PKHD1L1: variants seen among roughly 807,000 people sequenced by gnomAD.
The protein encoded by PKHD1L1 is fibrocystin-L.
In PKHD1L1, 434 loss-of-function variants were observed where a neutral mutation model predicts 462.9. The ratio of observed to expected loss-of-function variants is 0.94; its 90% CI spans 0.87 to 1.02. The LOEUF (loss-of-function observed/expected upper bound fraction) is 1.02, where lower values mean the gene tolerates loss of function less well. Among genes scored for constraint, PKHD1L1 ranks in the 50% least tolerant of loss-of-function variants. The pLI is 0.00. For missense variants in PKHD1L1, 5,202 were observed against 5,096.1 expected, an observed-to-expected ratio of 1.02 and a Z score of -0.63; for synonymous variants, 1,781 against 1,750.0, an observed-to-expected ratio of 1.02 and a Z score of -0.44.
chr8:109,364,646 C>CTTTTTTTT lies in PKHD1L1; in HGVS notation c.163+21_163+28dup, dbSNP rs60902563. On this transcript the variant is annotated intron_variant, in intron 2 of 77. Transcript: ENST00000378402. ...ACTATAAGAGGGGAAGGTATCGTTG[C>CTTTTTTTT]TTTTTTTTTTTTTTTTTTGCCAAGG... 2.5e-5 allele frequency: 26 copies of CTTTTTTTT among 1,030,400 alleles called. No homozygotes were observed. Among genetic ancestry groups the CTTTTTTTT allele is most frequent in the African/African-American group, 1.0e-4 (5 of 48,592 alleles). The allele number at this position is 1,030,400 out of a possible 1,614,324, so 63.8% of individuals were successfully genotyped here.
intron 32 of PKHD1L1, 90 bp from the exon 33 acceptor site, chr8:109,440,620 C>T: frequency 2.5e-6 from 3 of 1,180,912 alleles, no homozygotes; most frequent in Non-Finnish European, 3.5e-6. Context: ...CAGTTATTTC[C>T]TCTTTCTAAA....
chr8:109,401,594 G>A lies in PKHD1L1; in HGVS notation c.1373+6G>A. On this transcript the variant is annotated splice_donor_region_variant and intron_variant, in intron 14 of 77. Transcript: ENST00000378402. ...CATCTGCAGAAAGGAAAAGAGTAAG[G>A]CTTTTTCCTGTCATTAAATTACTGT... is the stretch of plus-strand genomic sequence containing the variant. The A allele has an allele frequency of 6.8e-7, 1 of 1,466,280 alleles. No individual in the cohort carries two copies. The allele number at this position is 1,466,280 out of a possible 1,614,324, so 90.8% of individuals were successfully genotyped here.
At chr8:109,392,572 A>C (rs149556237) in intron 9 of PKHD1L1, among the ~76,000 whole-genome samples, 1 of 152,042 alleles carries the variant, frequency 6.6e-6, no homozygotes, top group East Asian at 1.9e-4. Context: ...GTGTTTCTGT[A>C]TAAAGTATTC....
Position 109,493,743 on chromosome 8 carries a change from C to T in PKHD1L1, c.10319C>T (p.Pro3440Leu). Residue 3440 changes from proline to leucine, a missense_variant, in exon 63 of 78, where the codon CCT becomes CTT. Physicochemically the swap from Pro to Leu is moderately conservative, Grantham distance 98 (BLOSUM62 -3). Around this residue, in one of 3 missense-constraint regions of PKHD1L1, gnomAD observed 4,497 missense variants for 4,336.8 expected, o/e 1.04. Coordinates refer to ENST00000378402, the MANE Select transcript of PKHD1L1 (RefSeq NM_177531.6). The part of the protein sequence containing the change: ...GRAGYRIDGE[P>L]CPGQFNPVEK... ...GCAGGATACCGCATTGATGGTGAAC[C>T]TTGCCCAGGTAAGTCTTTTAAACCA... is the stretch of plus-strand genomic sequence containing the variant. The T allele has an allele frequency of 6.3e-7, 1 of 1,597,812 alleles. No individual in the cohort carries two copies. Among genetic ancestry groups the T allele is most frequent in the Non-Finnish European group, 8.5e-7 (1 of 1,172,134 alleles).
In PKHD1L1 at chr8:109,388,510, G is replaced by A. The variant is rs1314400885; in HGVS notation, c.583G>A (p.Gly195Arg). Residue 195 changes from glycine to arginine, a missense_variant, in exon 7 of 78, where the codon GGA becomes AGA. By Grantham distance (125) the Gly-to-Arg change is moderately radical (BLOSUM62 -2). Around this residue, in one of 3 missense-constraint regions of PKHD1L1, gnomAD observed 4,497 missense variants for 4,336.8 expected, o/e 1.04. Transcript: ENST00000378402. ...NVRILRVYIG[G>R]MPCELLIPQS... is the part of the protein sequence containing the mutation. The stretch of plus-strand genomic sequence containing the variant: ...ATATTTGTACAGAGTTTACATTGGA[G>A]GAATGCCCTGTGAGCTTCTCATACC... 4.6e-6 allele frequency: 7 copies of A among 1,515,940 alleles called. No individual in the cohort carries two copies. The highest frequency in any genetic ancestry group is 5.4e-6 in the Non-Finnish European group (6 of 1,116,418). 93.9% of individuals were successfully genotyped at this position (1,515,940 alleles called of 1,614,324 possible). A position where few individuals can be genotyped will look rare whatever the true frequency, so the allele number is the denominator to read the frequency against.
chr8:109,365,660 C>T (rs1329353764), intron 2 of PKHD1L1, among the ~76,000 whole-genome samples: 2 of 152,012 alleles, frequency 1.3e-5, no homozygotes, highest in Middle Eastern at 6.8e-3. Context: ...ATTTAAATGC[C>T]GCGAGAGAAA....
intron 6 of PKHD1L1, among the ~76,000 whole-genome samples, chr8:109,386,716 T>G (rs1812460312): frequency 6.6e-6 from 1 of 152,184 alleles, no homozygotes; most frequent in African/African-American, 2.4e-5. Flanking sequence ...TTTGTCTGCT[T>G]CAACATAGTT....
intron 57 of PKHD1L1, 70 bp from the exon 58 acceptor site, chr8:109,484,974 A>G: frequency 7.8e-7 from 1 of 1,275,472 alleles, no homozygotes; most frequent in Non-Finnish European, 1.1e-6. Context: ...GAATGATTTA[A>G]TAATGATATC....
At chr8:109,516,650 T>C (rs895815144) in intron 72 of PKHD1L1, among the ~76,000 whole-genome samples, 2 of 152,118 alleles carry the variant, frequency 1.3e-5, no homozygotes, top group Admixed American at 6.6e-5. Flanking sequence ...CACTTAACCA[T>C]TATGCTATAT....
At position 109,504,425 on chromosome 8, in the gene PKHD1L1, G is replaced by A. The variant is rs1223156386; in HGVS notation, c.10927G>A (p.Val3643Met). The A allele has an allele frequency of 1.9e-6, 3 of 1,565,470 alleles. No individual in the cohort carries two copies. In the African/African-American group the frequency reaches 4.1e-5, roughly 21 times the overall value. ...LNEDLQHPIHVKNIKLVDTTE... is the reference protein window; with the variant it reads ...LNEDLQHPIHMKNIKLVDTTE... The stretch of plus-strand genomic sequence containing the variant: ...TGAGGATTTACAGCATCCAATCCAT[G>A]TGAAGAATATAAAACTGGTTGATAC... Residue 3643 changes from valine (V) to methionine (M), a missense_variant, in exon 68 of 78, where the codon GTG becomes ATG. Transcript: ENST00000378402.
chr8:109,375,662 C>T (rs541620481), intron 2 of PKHD1L1, among the ~76,000 whole-genome samples: 4 of 152,174 alleles, frequency 2.6e-5, no homozygotes, highest in South Asian at 2.1e-4. Flanking sequence ...ATGATGGTGA[C>T]GTACAGATGG....
intron 32 of PKHD1L1, among the ~76,000 whole-genome samples, 174 bp downstream of exon 32, chr8:109,439,266 A>T (rs1240199622): frequency 6.6e-6 from 1 of 152,172 alleles, no homozygotes; most frequent in Non-Finnish European, 1.5e-5. Context: ...TATGACGCAT[A>T]GTTTTGAGAC....
intron 10 of PKHD1L1, among the ~76,000 whole-genome samples, chr8:109,395,224 C>T (rs1018679452): frequency 6.6e-6 from 1 of 152,220 alleles, no homozygotes; most frequent in South Asian, 2.1e-4. Context: ...GATTTATGCT[C>T]TCAGTGTGGT....
intron 28 of PKHD1L1, among the ~76,000 whole-genome samples, chr8:109,433,634 C>A (rs991137876): frequency 1.3e-5 from 2 of 152,114 alleles, no homozygotes; most frequent in Non-Finnish European, 2.9e-5. Flanking sequence ...TCCCATTGAA[C>A]CTCTCTCCAT....
In PKHD1L1 at chr8:109,452,711, AT is replaced by A; in HGVS notation, c.6508-5del. On this transcript the variant is annotated splice_polypyrimidine_tract_variant and splice_region_variant and intron_variant, in intron 42 of 77. Transcript: ENST00000378402. ...TAAATTTTAAGGTCTCTTATGTTCTATTACAGGATAATGCTGACTTTCTTTA... is the reference window on the plus strand; with the variant it reads ...TAAATTTTAAGGTCTCTTATGTTCTATACAGGATAATGCTGACTTTCTTTA... 6.7e-7 allele frequency: 1 copy of A among 1,499,946 alleles called. No homozygotes were observed. Among genetic ancestry groups the A allele is most frequent in the Non-Finnish European group, 8.9e-7 (1 of 1,129,416 alleles). 92.9% of individuals were successfully genotyped at this position (1,499,946 alleles called of 1,614,324 possible).
rs1056000527 is a variant in PKHD1L1, at chr8:109,384,208, A to G, written c.475+81A>G. On this transcript the variant is annotated intron_variant, in intron 5 of 77. Coordinates refer to ENST00000378402, the MANE Select transcript of PKHD1L1 (RefSeq NM_177531.6). ...TTTTTTAGTATATGAAATTAGTATA[A>G]TTCCTGCAATTTTTAAATAGCATTT... is the stretch of plus-strand genomic sequence containing the variant. The G allele has an allele frequency of 2.8e-6, 3 of 1,077,950 alleles. No individual in the cohort carries two copies. The African/African-American group carries it at 4.8e-5, about 17-fold the overall frequency. The allele number at this position is 1,077,950 out of a possible 1,614,324, so 66.8% of individuals were successfully genotyped here. A position where few individuals can be genotyped will look rare whatever the true frequency, so the allele number is the denominator to read the frequency against.
intron 27 of PKHD1L1, among the ~76,000 whole-genome samples, chr8:109,432,698 G>C (rs1208388065): frequency 6.6e-6 from 1 of 152,158 alleles, no homozygotes; most frequent in Non-Finnish European, 1.5e-5. Context: ...TTTCAAATGG[G>C]AAGTGTCCAT....
chr8:109,386,564 AG>A (rs1812454962), intron 6 of PKHD1L1, among the ~76,000 whole-genome samples: 1 of 152,222 alleles, frequency 6.6e-6, no homozygotes, highest in Non-Finnish European at 1.5e-5. Flanking sequence ...GGAATTCTAT[AG>A]AATAGAACCT....
chr8:109,433,204 C>T lies in PKHD1L1; in HGVS notation c.3328C>T (p.Leu1110Phe). The change falls in exon 28 of 78, where the codon CTT becomes TTT. Residue 1110 changes from leucine (L) to phenylalanine (F), a missense_variant. This residue lies in a region of PKHD1L1 where 4,497 missense variants were observed against 4,336.8 expected (regional missense o/e 1.04). Transcript: ENST00000378402. The part of the protein sequence containing the change: ...VSVGPVGCSL[L>F]SVDEKELKCQ... ...AGTTGGACCAGTAGGTTGTTCTCTT[C>T]TTTCTGTGGATGGTAGGTCCTTTTA... 6.2e-7 allele frequency: 1 copy of T among 1,610,678 alleles called. No individual in the cohort carries two copies.
Sources: allele counts gnomAD v4.1 joint callset (sites outside exome capture counted in the v4.1 genomes callset), GRCh38; gene constraint gnomAD v4.1.1; regional missense constraint gnomAD v4.1.1; transcripts MANE v1.5; gene names NCBI Gene and HGNC (gene_info 2026-07-23, HGNC 2026-07-21).